The following PALM2AKAP2 variants were observed in gnomAD, a reference collection of about 807,000 sequenced individuals.
The protein encoded by PALM2AKAP2 is PALM2 and AKAP2 fusion, also known as PALM2-AKAP2 fusion protein.
In PALM2AKAP2, 37 loss-of-function variants were observed where a neutral mutation model predicts 71.5. The ratio of observed to expected loss-of-function variants is 0.52; its 90% CI spans 0.40 to 0.68. The LOEUF (loss-of-function observed/expected upper bound fraction) is 0.68. PALM2AKAP2 is among the 30% of genes least tolerant of loss of function. PALM2AKAP2 has a pLI of 0.00. For synonymous variants in PALM2AKAP2, 468 were observed against 478.8 expected (o/e 0.98, Z 0.29); for missense variants, 1,224 against 1,191.8 (o/e 1.03, Z -0.40).
intron 1 of PALM2AKAP2, among the ~76,000 whole-genome samples, chr9:109,819,275 TA>T (rs1827928036): frequency 6.6e-6 from 1 of 152,234 alleles, no homozygotes; most frequent in Admixed American, 6.5e-5. Flanking sequence ...AGAATACATT[TA>T]AAAATTCATC....
chr9:109,998,403 G>A (rs78359557), intron 6 of PALM2AKAP2, among the ~76,000 whole-genome samples: 2,356 of 152,238 alleles, frequency 0.015, 61 homozygotes, highest in African/African-American at 0.054. Flanking sequence ...GGTAGAAGCA[G>A]GGGTGTGATG....
chr9:109,923,680 G>T, intron 3 of PALM2AKAP2, 55 bp from the exon 4 acceptor site: 1 of 1,517,020 alleles, frequency 6.6e-7, no homozygotes, highest in Non-Finnish European at 8.8e-7. Flanking sequence ...CTGCTCTCTT[G>T]CCCGTGGATG....
At chr9:110,071,729 A>C (rs571300545) in intron 1 of PALM2AKAP2, among the ~76,000 whole-genome samples, 42 of 152,230 alleles carry the variant, frequency 2.8e-4, no homozygotes, top group Admixed American at 4.6e-4. Flanking sequence ...TCTTGTGGGT[A>C]AATTTCGGCT....
chr9:109,729,920 A>G (rs1828529484), intron 1 of PALM2AKAP2, among the ~76,000 whole-genome samples: 1 of 152,260 alleles, frequency 6.6e-6, no homozygotes, highest in African/African-American at 2.4e-5. Context: ...AAATTAATAA[A>G]AGAGCATGGA....
At chr9:109,653,368 A>T (rs531040236) in intron 1 of PALM2AKAP2, among the ~76,000 whole-genome samples, 4 of 152,380 alleles carry the variant, frequency 2.6e-5, no homozygotes, top group Non-Finnish European at 5.9e-5. Context: ...TGCTGAGATC[A>T]CATCGAAAGC....
chr9:110,054,877 T>A (rs1833799431), intron 1 of PALM2AKAP2, among the ~76,000 whole-genome samples: 1 of 152,252 alleles, frequency 6.6e-6, no homozygotes, highest in Non-Finnish European at 1.5e-5. Context: ...ATAACAGGCA[T>A]GAGCCGCCAT....
intron 7 of PALM2AKAP2, among the ~76,000 whole-genome samples, chr9:110,021,947 G>A (rs1021862310): frequency 6.6e-6 from 1 of 152,126 alleles, no homozygotes; most frequent in African/African-American, 2.4e-5. Flanking sequence ...TCTTGTCTTA[G>A]CACACCACTA....
intron 1 of PALM2AKAP2, among the ~76,000 whole-genome samples, chr9:109,674,124 A>G (rs1045663930): frequency 6.6e-6 from 1 of 151,900 alleles, no homozygotes; most frequent in Non-Finnish European, 1.5e-5. Context: ...ATTTCATTCA[A>G]TGAATTTTTG....
intron 1 of PALM2AKAP2, among the ~76,000 whole-genome samples, chr9:109,782,168 T>C (rs551836111): frequency 6.6e-6 from 1 of 152,342 alleles, no homozygotes; most frequent in East Asian, 1.9e-4. Flanking sequence ...GGTACCCTTT[T>C]CCAAGTGCGG....
intron 6 of PALM2AKAP2, among the ~76,000 whole-genome samples, chr9:109,989,664 A>C (rs564086681): frequency 3.3e-5 from 5 of 152,352 alleles, no homozygotes; most frequent in African/African-American, 9.6e-5. Context: ...CAGGGGTAAC[A>C]TGGTGAAGGA....
rs557651413 is a variant in PALM2AKAP2 at position 110,057,525 on chromosome 9, C to T, written c.156+8670C>T. Among the ~76,000 whole-genome samples the T allele has an allele frequency of 2.6e-5, 4 of 152,080 alleles. No individual in the cohort carries two copies. In the East Asian group the frequency reaches 5.8e-4, roughly 22 times the overall value. On this transcript the variant is annotated intron_variant, in intron 1 of 3. Coordinates refer to ENST00000374525, the Ensembl canonical transcript of PALM2AKAP2. ...TCCTGAGTAGCTGTGTCTACAGGCG[C>T]GTGCCACCACGCCCGGCTAATTTCT...
intron 3 of PALM2AKAP2, among the ~76,000 whole-genome samples, chr9:109,919,736 T>C (rs1830782410): frequency 7.9e-6 from 1 of 127,032 alleles, no homozygotes; most frequent in Non-Finnish European, 1.6e-5. Context: ...TGTATACATA[T>C]GTGTGTGTGT....
intron 1 of PALM2AKAP2, among the ~76,000 whole-genome samples, chr9:109,835,573 G>T (rs1224233521): frequency 6.6e-6 from 1 of 152,166 alleles, no homozygotes; most frequent in Non-Finnish European, 1.5e-5. Context: ...AGCCAAAGCA[G>T]GGCGAGGCAT....
At chr9:109,870,162 C>T (rs1829567972) in intron 2 of PALM2AKAP2, among the ~76,000 whole-genome samples, 1 of 152,098 alleles carries the variant, frequency 6.6e-6, no homozygotes, top group African/African-American at 2.4e-5. Flanking sequence ...GTGAAACTTC[C>T]CTCAGGACCT....
intron 2 of PALM2AKAP2, among the ~76,000 whole-genome samples, chr9:109,869,431 C>G (rs970310698): frequency 1.3e-5 from 2 of 152,076 alleles, no homozygotes; most frequent in Admixed American, 1.3e-4. Context: ...CAGGTTCACG[C>G]CATTCTCCTG....
intron 1 of PALM2AKAP2, among the ~76,000 whole-genome samples, chr9:110,059,887 T>C (rs1290739731): frequency 6.6e-6 from 1 of 152,174 alleles, no homozygotes; most frequent in Non-Finnish European, 1.5e-5. Context: ...AAGGGAAGAT[T>C]TGGCACCTGG....
intron 1 of PALM2AKAP2, among the ~76,000 whole-genome samples, chr9:109,691,943 C>CATATATATATATACACAT (rs1827903258): frequency 1.8e-5 from 2 of 112,022 alleles, no homozygotes; most frequent in Admixed American, 9.3e-5. Context: ...TATATATACA[C>CATATATATATATACACAT]ATATATATAT....
intron 1 of PALM2AKAP2, among the ~76,000 whole-genome samples, chr9:109,660,783 A>G (rs1050904775): frequency 1.3e-5 from 2 of 152,180 alleles, no homozygotes; most frequent in African/African-American, 2.4e-5. Flanking sequence ...ACTGCCATCA[A>G]CAGTGTAAAA....
chr9:109,808,798 T>G (rs1827647905), intron 1 of PALM2AKAP2, among the ~76,000 whole-genome samples: 1 of 152,252 alleles, frequency 6.6e-6, no homozygotes, highest in Non-Finnish European at 1.5e-5. Flanking sequence ...GGTGTTTTTT[T>G]GGGCTGGGCC....
Sources: allele counts gnomAD v4.1 joint callset (sites outside exome capture counted in the v4.1 genomes callset), GRCh38; gene constraint gnomAD v4.1.1; transcripts MANE v1.5; gene names NCBI Gene and HGNC (gene_info 2026-07-23, HGNC 2026-07-21).